The following FSTL5 variants were observed in gnomAD, a reference collection of about 807,000 sequenced individuals.
FSTL5 encodes the protein follistatin like 5.
Under a neutral mutation model 89.1 loss-of-function variants are expected in FSTL5, and 62 were observed. That is an observed-to-expected ratio of 0.70 (90% CI 0.57 to 0.86). The LOEUF (loss-of-function observed/expected upper bound fraction) is 0.86. FSTL5 is among the 40% of genes least tolerant of loss of function. The pLI, the probability that FSTL5 is intolerant of heterozygous loss-of-function variation, is 0.00. For missense variants in FSTL5, 1,057 were observed against 1,001.6 expected, an observed-to-expected ratio of 1.06 and a Z score of -0.75; for synonymous variants, 383 against 346.2, an observed-to-expected ratio of 1.11 and a Z score of -1.18.
At chr4:161,519,411 C>T (rs940519094) in intron 10 of FSTL5, among the ~76,000 whole-genome samples, 5 of 151,818 alleles carry the variant, frequency 3.3e-5, no homozygotes, top group South Asian at 2.1e-4. Flanking sequence ...CTGTAGTCCC[C>T]GCTACTCGGG....
chr4:161,906,965 G>C (rs1461777826), intron 4 of FSTL5, among the ~76,000 whole-genome samples: 1 of 152,026 alleles, frequency 6.6e-6, no homozygotes, highest in Admixed American at 6.6e-5. Context: ...ACTTACTATG[G>C]AATTAATGAA....
intron 4 of FSTL5, among the ~76,000 whole-genome samples, chr4:161,827,099 C>T (rs2126856989): frequency 6.6e-6 from 1 of 152,212 alleles, no homozygotes; most frequent in Non-Finnish European, 1.5e-5. Flanking sequence ...AGAGGGAAGA[C>T]CTGGGACTCA....
intron 12 of FSTL5, among the ~76,000 whole-genome samples, chr4:161,488,516 A>C (rs1304274447): frequency 2.0e-5 from 3 of 151,814 alleles, no homozygotes; most frequent in Non-Finnish European, 4.4e-5. Flanking sequence ...TAGAGAGGTT[A>C]AAAAAAACAG....
intron 6 of FSTL5, among the ~76,000 whole-genome samples, chr4:161,741,960 T>C (rs917657183): frequency 6.6e-6 from 1 of 152,034 alleles, no homozygotes; most frequent in East Asian, 1.9e-4. Context: ...AGAAAGGACA[T>C]GAAATAAGAA....
chr4:161,685,161 T>C (rs1325103904), intron 6 of FSTL5, among the ~76,000 whole-genome samples: 1 of 152,212 alleles, frequency 6.6e-6, no homozygotes, highest in Non-Finnish European at 1.5e-5. Flanking sequence ...CCTAAGAGTA[T>C]AGTTTGAAAT....
intron 4 of FSTL5, among the ~76,000 whole-genome samples, chr4:161,857,192 G>C (rs1443887006): frequency 1.3e-5 from 2 of 152,112 alleles, no homozygotes; most frequent in African/African-American, 2.4e-5. Context: ...AAGGTGAGAG[G>C]TGGAAGTTAC....
chr4:161,601,604 C>G (rs776572406), intron 7 of FSTL5, among the ~76,000 whole-genome samples: 1 of 152,052 alleles, frequency 6.6e-6, no homozygotes, highest in Non-Finnish European at 1.5e-5. Context: ...AAGCAAGCAA[C>G]AGCAAACTAC....
At chr4:161,507,770 C>G (rs1730529504) in intron 11 of FSTL5, among the ~76,000 whole-genome samples, 1 of 151,720 alleles carries the variant, frequency 6.6e-6, no homozygotes, top group African/African-American at 2.4e-5. Context: ...ATAAACTCTT[C>G]ACTAGATTCT....
At chr4:161,565,049 G>A (rs1732749454) in intron 8 of FSTL5, among the ~76,000 whole-genome samples, 1 of 151,696 alleles carries the variant, frequency 6.6e-6, no homozygotes, top group African/African-American at 2.4e-5. Flanking sequence ...CACAGTACAG[G>A]GAACCTTCTA....
At chr4:162,023,145 AG>A (rs886595161) in intron 3 of FSTL5, among the ~76,000 whole-genome samples, 7 of 152,128 alleles carry the variant, frequency 4.6e-5, no homozygotes, top group African/African-American at 1.7e-4. Flanking sequence ...TGATCTTTTT[AG>A]GTGATTTTCG....
chr4:162,122,210 T>C (rs13138416), intron 1 of FSTL5, among the ~76,000 whole-genome samples: 16,154 of 152,092 alleles, frequency 0.11, 990 homozygotes, highest in Middle Eastern at 0.25. Context: ...GTACTTTTAA[T>C]AGCAGCAACA....
chr4:161,483,600 T>A (rs184191845), intron 12 of FSTL5, among the ~76,000 whole-genome samples: 4 of 152,316 alleles, frequency 2.6e-5, no homozygotes, highest in Admixed American at 2.6e-4. Flanking sequence ...TTTCTTTGCT[T>A]TGGTTTATGC....
intron 6 of FSTL5, among the ~76,000 whole-genome samples, chr4:161,747,892 A>T (rs973627574): frequency 2.0e-5 from 3 of 152,210 alleles, no homozygotes; most frequent in African/African-American, 7.2e-5. Flanking sequence ...GCAAATATAT[A>T]TTGGAAATTT....
intron 6 of FSTL5, among the ~76,000 whole-genome samples, chr4:161,691,086 C>T (rs1413241091): frequency 6.6e-6 from 1 of 151,974 alleles, no homozygotes; most frequent in Non-Finnish European, 1.5e-5. Flanking sequence ...TTTTATCGCT[C>T]ATGCTTTTTA....
chr4:162,030,056 G>A (rs551553665), intron 3 of FSTL5, among the ~76,000 whole-genome samples: 37 of 151,800 alleles, frequency 2.4e-4, no homozygotes, highest in Non-Finnish European at 5.0e-4. Context: ...GCGCTACCAC[G>A]CCTGGCTAAT....
intron 6 of FSTL5, among the ~76,000 whole-genome samples, chr4:161,719,281 A>G (rs1019525272): frequency 6.6e-6 from 1 of 152,066 alleles, no homozygotes; most frequent in Non-Finnish European, 1.5e-5. Flanking sequence ...TGAGATCTCT[A>G]TTTTATTTAA....
chr4:161,432,795 G>T (rs1393819788), intron 15 of FSTL5, among the ~76,000 whole-genome samples: 1 of 151,896 alleles, frequency 6.6e-6, no homozygotes. Flanking sequence ...GGGGGTTACT[G>T]TGAGCAACTA....
intron 15 of FSTL5, among the ~76,000 whole-genome samples, chr4:161,395,207 T>C (rs1476753524): frequency 6.6e-6 from 1 of 152,028 alleles, no homozygotes; most frequent in Non-Finnish European, 1.5e-5. Context: ...ATTGCAAACA[T>C]AGGGGCAAAG....
At chr4:161,604,213 A>C (rs1439380802) in intron 7 of FSTL5, among the ~76,000 whole-genome samples, 2 of 152,014 alleles carry the variant, frequency 1.3e-5, no homozygotes, top group Non-Finnish European at 2.9e-5. Flanking sequence ...AGATATTTTA[A>C]GGGTCATGGA....
Sources: allele counts gnomAD v4.1 joint callset (sites outside exome capture counted in the v4.1 genomes callset), GRCh38; gene constraint gnomAD v4.1.1; transcripts MANE v1.5; gene names NCBI Gene and HGNC (gene_info 2026-07-23, HGNC 2026-07-21).